URI1: variants seen among roughly 807,000 people sequenced by gnomAD.
URI1 encodes the protein URI1 prefoldin like chaperone.
In URI1, 39 loss-of-function variants were observed where a neutral mutation model predicts 60.2. The observed-to-expected ratio is 0.65, with a 90% confidence interval of 0.50 to 0.85. The LOEUF is 0.85. Among genes scored for constraint, URI1 ranks in the 40% least tolerant of loss-of-function variants. URI1 has a pLI of 0.00. For missense variants in URI1, 691 were observed against 665.9 expected (o/e 1.04, Z -0.42); for synonymous variants, 251 against 236.8 (o/e 1.06, Z -0.55).
At position 30,005,785 on chromosome 19, in the gene URI1, G is replaced by A. The variant is rs184569535; in HGVS notation, c.517+77G>A. The A allele has an allele frequency of 2.9e-4, 385 of 1,348,554 alleles. 1 individual carries two copies. In the Admixed American group the frequency reaches 5.5e-3, roughly 19 times the overall value. The allele number at this position is 1,348,554 out of a possible 1,614,324, so 83.5% of individuals were successfully genotyped here. A position where few individuals can be genotyped will look rare whatever the true frequency, so the allele number is the denominator to read the frequency against. On this transcript the variant is annotated intron_variant, in intron 6 of 10. Coordinates refer to ENST00000392271, the MANE Select transcript of URI1 (RefSeq NM_003796.3). ...TTGATTTTCAGTGGGCTTTCTGTGAGATATTTGGGATTTAGAATACACTTT... is the reference window on the plus strand; with the variant it reads ...TTGATTTTCAGTGGGCTTTCTGTGAAATATTTGGGATTTAGAATACACTTT...
At chr19:29,985,785 T>A (rs1248464246) in intron 3 of URI1, among the ~76,000 whole-genome samples, 1 of 152,242 alleles carries the variant, frequency 6.6e-6, no homozygotes, top group Non-Finnish European at 1.5e-5. Flanking sequence ...ATGTTCTTTC[T>A]TATGAAGACT....
intron 4 of URI1, among the ~76,000 whole-genome samples, chr19:30,002,667 C>A (rs2055892711): frequency 1.3e-5 from 2 of 151,744 alleles, no homozygotes; most frequent in South Asian, 4.1e-4. Context: ...TAATTTTTTT[C>A]TTCAATTTTA....
chr19:29,934,800 C>T (rs937008503), intron 1 of URI1, among the ~76,000 whole-genome samples: 5 of 27,966 alleles, frequency 1.8e-4, no homozygotes, highest in African/African-American at 8.8e-4. Context: ...AAGTGATCCA[C>T]CTGCTTTGGC....
At chr19:29,924,890 C>T (rs950743421) in intron 1 of URI1, among the ~76,000 whole-genome samples, 3 of 152,010 alleles carry the variant, frequency 2.0e-5, no homozygotes, top group African/African-American at 4.8e-5. Flanking sequence ...AGCTGGAGTG[C>T]AACAGTGTGA....
chr19:30,015,452 T>C lies in URI1; in HGVS notation c.*383T>C, dbSNP rs1445515932. On this transcript the variant is annotated 3_prime_UTR_variant, in exon 11 of 11. Transcript: ENST00000392271. ...CCATATGGACCATTTTAAAGAAAAT[T>C]TTAAAATTTCAAATAGATTCAACAA... The C allele has an allele frequency of 2.0e-6, 3 of 1,511,474 alleles. No homozygotes were observed. In the Admixed American group the frequency reaches 6.7e-5, roughly 34 times the overall value. The allele number at this position is 1,511,474 out of a possible 1,614,324, so 93.6% of individuals were successfully genotyped here. A position where few individuals can be genotyped will look rare whatever the true frequency, so the allele number is the denominator to read the frequency against.
chr19:29,987,310 A>C (rs2145378438), intron 4 of URI1, among the ~76,000 whole-genome samples: 1 of 152,346 alleles, frequency 6.6e-6, no homozygotes, highest in Middle Eastern at 3.4e-3. Context: ...ACTTGATTTC[A>C]CTTATACATG....
chr19:30,012,517 T>C lies in URI1; in HGVS notation c.1411T>C (p.Ser471Pro), dbSNP rs956815854. 4 of 1,614,038 alleles carry C rather than the reference T, an allele frequency of 2.5e-6. No individual in the cohort carries two copies. The highest frequency in any genetic ancestry group is 3.3e-5 in the Admixed American group (2 of 60,004). ...AAATCAAAAGAAACTTTTGCCCTTA[T>C]CAGTAACACCTGAGGTGTGTGTGTG... is the stretch of plus-strand genomic sequence containing the variant. ...QENQKKLLPLSVTPEAFSGTV... is the reference protein window; with the variant it reads ...QENQKKLLPLPVTPEAFSGTV... Residue 471 changes from serine (S) to proline (P), a missense_variant, in exon 10 of 11, where the codon TCA (serine) becomes CCA (proline). By Grantham distance (74) the Ser-to-Pro change is moderately conservative. Transcript: ENST00000392271.
intron 2 of URI1, among the ~76,000 whole-genome samples, chr19:29,982,392 GT>G (rs74610588): frequency 0.081 from 12,286 of 151,946 alleles, 694 homozygotes; most frequent in East Asian, 0.22. Context: ...CAAAATAGAT[GT>G]TTTTTGTGAG....
chr19:29,984,437 T>C (rs1422743450), intron 2 of URI1, among the ~76,000 whole-genome samples: 1 of 152,018 alleles, frequency 6.6e-6, no homozygotes, highest in Non-Finnish European at 1.5e-5. Context: ...TTAAAATAAA[T>C]AAATCTCTTC....
rs2056072804 is a variant in URI1, at chr19:30,015,298, T to G, written c.*229T>G. On this transcript the variant is annotated 3_prime_UTR_variant, in exon 11 of 11. Coordinates refer to ENST00000392271, the MANE Select transcript of URI1 (RefSeq NM_003796.3). ...TCTCTGAATACTGTCAACACTCTTA[T>G]CTAAGTTTGCCTTTATGATGCAGTG... 7.1e-7 allele frequency: 1 copy of G among 1,417,744 alleles called. No individual in the cohort carries two copies. The allele number at this position is 1,417,744 out of a possible 1,614,324, so 87.8% of individuals were successfully genotyped here.
chr19:30,014,370 A>G (rs956565349), intron 10 of URI1: 1 of 152,246 alleles, frequency 6.6e-6, no homozygotes, highest in African/African-American at 2.4e-5. Flanking sequence ...TTGAGGCAAT[A>G]TGCAGTAAAA....
intron 4 of URI1, among the ~76,000 whole-genome samples, chr19:30,003,178 T>C (rs77872996): frequency 0.02 from 3,004 of 152,142 alleles, 118 homozygotes; most frequent in African/African-American, 0.068. Flanking sequence ...TTATTTACTT[T>C]GTACAAAATC....
chr19:29,997,479 T>G (rs1452908600), intron 4 of URI1, among the ~76,000 whole-genome samples: 1 of 152,144 alleles, frequency 6.6e-6, no homozygotes, highest in Non-Finnish European at 1.5e-5. Flanking sequence ...TTGTTGATCT[T>G]GTAAAAAACC....
At position 29,986,341 on chromosome 19, in the gene URI1, T is replaced by C. The variant is rs779409708; in HGVS notation, c.291T>C (p.Thr97=). The C allele has an allele frequency of 2.5e-6, 4 of 1,611,422 alleles. No homozygotes were observed. Among genetic ancestry groups the C allele is most frequent in the Non-Finnish European group, 2.5e-6 (3 of 1,179,644 alleles). ...AACTTGTCCATACTAATGAAGTCAC[T>C]GTTTTACTGGGGGACAACTGGTTTG... ...PGKLVHTNEV[T]VLLGDNWFAK... Residue 97 remains threonine (T), a synonymous_variant, in exon 4 of 11, where the codon ACT becomes ACC. Transcript: ENST00000392271.
intron 4 of URI1, among the ~76,000 whole-genome samples, chr19:30,002,286 G>T (rs1340051153): frequency 6.6e-6 from 1 of 151,882 alleles, no homozygotes; most frequent in African/African-American, 2.4e-5. Context: ...TAAATATTTG[G>T]TCTTACTTAG....
At chr19:29,958,876 C>T (rs1030049474) in intron 1 of URI1, among the ~76,000 whole-genome samples, 3 of 151,658 alleles carry the variant, frequency 2.0e-5, no homozygotes, top group Admixed American at 6.6e-5. Context: ...ATGAGAATTG[C>T]TTGAACCCGG....
At chr19:29,971,265 T>G (rs1384964140) in intron 2 of URI1, 38 bp downstream of exon 2, 1 of 1,604,122 alleles carries the variant, frequency 6.2e-7, no homozygotes, top group Non-Finnish European at 8.5e-7. Context: ...TCTGAAATAC[T>G]GATGGGGTAA....
intron 1 of URI1, among the ~76,000 whole-genome samples, chr19:29,950,441 C>T (rs765580730): frequency 6.6e-6 from 1 of 152,150 alleles, no homozygotes; most frequent in Non-Finnish European, 1.5e-5. Flanking sequence ...CCCCCTTAAA[C>T]TACAACTGTT....
At chr19:29,964,466 T>G (rs76211657) in intron 1 of URI1, among the ~76,000 whole-genome samples, 6 of 139,418 alleles carry the variant, frequency 4.3e-5, no homozygotes, top group Non-Finnish European at 7.5e-5. Flanking sequence ...TTTGTTTTGT[T>G]TTTTTTTTTT....
Sources: allele counts gnomAD v4.1 joint callset (sites outside exome capture counted in the v4.1 genomes callset), GRCh38; gene constraint gnomAD v4.1.1; transcripts MANE v1.5; gene names NCBI Gene and HGNC (gene_info 2026-07-23, HGNC 2026-07-21).